Variants in IQGAP1 observed in about 807,000 individuals in gnomAD.
IQGAP1 encodes ras GTPase-activating-like protein IQGAP1.
In IQGAP1, 66 loss-of-function variants were observed where a neutral mutation model predicts 215.6. The ratio of observed to expected loss-of-function variants is 0.31; its 90% CI spans 0.25 to 0.38. The LOEUF is 0.38. IQGAP1 is among the 10% of genes least tolerant of loss of function. IQGAP1 has a pLI of 1.00. For missense variants in IQGAP1, 1,712 were observed against 1,997.1 expected (o/e 0.86, Z 2.72); for synonymous variants, 772 against 728.7 (o/e 1.06, Z -0.96).
chr15:90,450,796 A>AT (rs1381799242), intron 11 of IQGAP1, among the ~76,000 whole-genome samples: 1 of 130,806 alleles, frequency 7.6e-6, no homozygotes, highest in East Asian at 2.3e-4. Context: ...AAATTGGATT[A>AT]TTTGTGGGGT....
At chr15:90,471,648 C>T (rs1453015232) in intron 18 of IQGAP1, among the ~76,000 whole-genome samples, 1 of 151,468 alleles carries the variant, frequency 6.6e-6, no homozygotes, top group Non-Finnish European at 1.5e-5. Context: ...TACAGGCATG[C>T]GCCACCACAC....
At position 90,449,517 on chromosome 15, in the gene IQGAP1, A is replaced by G. The variant is rs369348443; in HGVS notation, c.1078-42A>G. On this transcript the variant is annotated intron_variant, in intron 10 of 37. Coordinates refer to ENST00000268182, the MANE Select transcript of IQGAP1 (RefSeq NM_003870.4). ...TGAGAACCTTAAGGCCTGGAGTCATAGGAATGAGTAATCTTTACATAATTT... is the reference window on the plus strand; with the variant it reads ...TGAGAACCTTAAGGCCTGGAGTCATGGGAATGAGTAATCTTTACATAATTT... 9.8e-4 allele frequency: 1,476 copies of G among 1,511,122 alleles called. 13 individuals carry two copies. Among genetic ancestry groups the G allele is most frequent in the Middle Eastern group, 3.6e-3 (19 of 5,330 alleles). 93.6% of individuals were successfully genotyped at this position (1,511,122 alleles called of 1,614,324 possible).
intron 11 of IQGAP1, among the ~76,000 whole-genome samples, chr15:90,452,194 A>G (rs1965613282): frequency 6.6e-6 from 1 of 152,164 alleles, no homozygotes; most frequent in Non-Finnish European, 1.5e-5. Context: ...CACACACTTC[A>G]TGATTTGTTA....
intron 2 of IQGAP1, among the ~76,000 whole-genome samples, chr15:90,406,832 A>G (rs1211574570): frequency 1.3e-5 from 2 of 152,224 alleles, no homozygotes; most frequent in Non-Finnish European, 2.9e-5. Flanking sequence ...CAAAAAGTGT[A>G]TAGGATAAGG....
rs1964581617 is a variant in IQGAP1 at position 90,388,388 on chromosome 15, A to G, written c.47A>G (p.His16Arg). ...GACGGGCTGGGCGTGGCCCGGCCGC[A>G]CTATGGCTGTGAGTGCGGGGCTCCG... The part of the protein sequence containing the change: ...EVDGLGVARP[H>R]YGSVLDNERL... Residue 16 changes from histidine to arginine, a missense_variant, in exon 1 of 38, where the codon CAC (histidine) becomes CGC (arginine). Coordinates refer to ENST00000268182, the MANE Select transcript of IQGAP1 (RefSeq NM_003870.4). 2 of 1,584,824 alleles carry G rather than the reference A, an allele frequency of 1.3e-6. No individual in the cohort carries two copies. The highest frequency in any genetic ancestry group is 1.4e-5 in the African/African-American group (1 of 70,950).
chr15:90,473,548 T>C, intron 19 of IQGAP1, 167 bp from the exon 20 acceptor site: 1 of 594,644 alleles, frequency 1.7e-6, no homozygotes. Context: ...GTTCTTCCAG[T>C]GGAGGGATGG....
At chr15:90,471,859 C>G (rs2151031390) in intron 18 of IQGAP1, among the ~76,000 whole-genome samples, 1 of 144,726 alleles carries the variant, frequency 6.9e-6, no homozygotes, top group South Asian at 2.2e-4. Flanking sequence ...AATCGAGGCT[C>G]TGGTACCAAG....
chr15:90,433,498 A>G (rs536617022), intron 4 of IQGAP1, among the ~76,000 whole-genome samples: 1 of 152,232 alleles, frequency 6.6e-6, no homozygotes, highest in South Asian at 2.1e-4. Flanking sequence ...TCCAAGTAGT[A>G]CTTTTTATTC....
In IQGAP1 at chr15:90,388,415, G is replaced by T; in HGVS notation, c.55+19G>T. On this transcript the variant is annotated intron_variant, in intron 1 of 37. Transcript: ENST00000268182. ...TATGGCTGTGAGTGCGGGGCTCCGC[G>T]GCGCGGGGGCTTCGGGCTGGGCTAA... The T allele has an allele frequency of 1.3e-6, 2 of 1,564,320 alleles. No homozygotes were observed. Among genetic ancestry groups the T allele is most frequent in the Non-Finnish European group, 1.7e-6 (2 of 1,159,796 alleles).
chr15:90,460,153 A>G (rs1215446852), intron 15 of IQGAP1, among the ~76,000 whole-genome samples: 1 of 152,174 alleles, frequency 6.6e-6, no homozygotes. Flanking sequence ...AAGTGGAAGC[A>G]AGTTTATTAA....
chr15:90,396,695 C>T (rs1964725108), intron 2 of IQGAP1, among the ~76,000 whole-genome samples: 1 of 152,022 alleles, frequency 6.6e-6, no homozygotes, highest in East Asian at 1.9e-4. Flanking sequence ...CAGGCTCCAC[C>T]ATAAGAAGTG....
chr15:90,452,749 G>C, intron 11 of IQGAP1, 26 bp from the exon 12 acceptor site: 1 of 1,611,834 alleles, frequency 6.2e-7, no homozygotes, highest in Non-Finnish European at 8.5e-7. Flanking sequence ...AGCCCACTGC[G>C]TTTCTGACTC....
At chr15:90,449,825 G>A (rs1333761284) in intron 11 of IQGAP1, among the ~76,000 whole-genome samples, 182 bp downstream of exon 11, 1 of 152,144 alleles carries the variant, frequency 6.6e-6, no homozygotes, top group Non-Finnish European at 1.5e-5. Context: ...TAATTGCTGT[G>A]TAATAGTTGT....
chr15:90,456,441 C>G (rs1965681448), intron 15 of IQGAP1, 126 bp downstream of exon 15: 1 of 844,980 alleles, frequency 1.2e-6, no homozygotes, highest in Admixed American at 2.8e-5. Flanking sequence ...AGATTCAAAG[C>G]ACTGGAGGGA....
chr15:90,404,565 C>T (rs141879483), intron 2 of IQGAP1, among the ~76,000 whole-genome samples: 1 of 152,144 alleles, frequency 6.6e-6, no homozygotes, highest in East Asian at 1.9e-4. Flanking sequence ...GCTCGTTGTA[C>T]ACCGTGGGTG....
intron 23 of IQGAP1, among the ~76,000 whole-genome samples, chr15:90,475,432 C>A (rs1427674751): frequency 6.6e-6 from 1 of 151,990 alleles, no homozygotes; most frequent in African/African-American, 2.4e-5. Context: ...CCACCATGCC[C>A]GGCCATCATA....
chr15:90,499,599 C>T (rs1236193313), intron 37 of IQGAP1, among the ~76,000 whole-genome samples: 4 of 152,166 alleles, frequency 2.6e-5, no homozygotes, highest in Admixed American at 6.5e-5. Flanking sequence ...TCACCTTTTC[C>T]AGATTTATTA....
rs375934890 is a variant in IQGAP1 at position 90,494,749 on chromosome 15, A to G, written c.4665A>G (p.Lys1555=). The G allele has an allele frequency of 2.5e-6, 4 of 1,610,420 alleles. No individual in the cohort carries two copies. Among genetic ancestry groups the G allele is most frequent in the Non-Finnish European group, 2.5e-6 (3 of 1,178,002 alleles). The change falls in exon 36 of 38, where the codon AAA becomes AAG. Residue 1555 remains lysine (K), a synonymous_variant. Transcript: ENST00000268182. Reference sequence around the variant, plus strand: ...AGCCTAGGGAAATGAAAGGAAAGAAAAGCAAAAAGATTTCTCTGAAATATA... The same window carrying G: ...AGCCTAGGGAAATGAAAGGAAAGAAGAGCAAAAAGATTTCTCTGAAATATA... ...SKKPREMKGK[K]SKKISLKYTA...
chr15:90,424,275 T>C (rs904435318), intron 2 of IQGAP1, among the ~76,000 whole-genome samples: 3 of 152,222 alleles, frequency 2.0e-5, no homozygotes, highest in African/African-American at 7.2e-5. Flanking sequence ...TTTGCATCTT[T>C]AGGCTGAATA....
Sources: allele counts gnomAD v4.1 joint callset (sites outside exome capture counted in the v4.1 genomes callset), GRCh38; gene constraint gnomAD v4.1.1; transcripts MANE v1.5; gene names NCBI Gene and HGNC (gene_info 2026-07-23, HGNC 2026-07-21).